The following THEMIS variants were observed in gnomAD, a reference collection of about 807,000 sequenced individuals.
THEMIS encodes the protein protein THEMIS.
Under a neutral mutation model 52.6 loss-of-function variants are expected in THEMIS, and 37 were observed. The ratio of observed to expected loss-of-function variants is 0.70; its 90% CI spans 0.54 to 0.93. The LOEUF is 0.93. Ranked by LOEUF, THEMIS falls within the 40% of genes least tolerant of loss-of-function variation. The pLI, the probability that THEMIS is intolerant of heterozygous loss-of-function variation, is 0.00. For synonymous variants in THEMIS, 292 were observed against 272.7 expected (o/e 1.07, Z -0.70); for missense variants, 808 against 763.1 (o/e 1.06, Z -0.69).
intron 1 of THEMIS, among the ~76,000 whole-genome samples, chr6:127,871,358 A>G (rs1290953432): frequency 6.6e-6 from 1 of 152,088 alleles, no homozygotes; most frequent in Non-Finnish European, 1.5e-5. Flanking sequence ...AATACAACAT[A>G]TCAAAGTTGT....
intron 4 of THEMIS, among the ~76,000 whole-genome samples, chr6:127,799,567 CTTTCTTTCTTTCTTTCTTTT>C (rs1777457102): frequency 6.7e-6 from 1 of 150,264 alleles, no homozygotes. Context: ...TTCTTTCTTT[CTTTCTTTCTTTCTTTCTTTT>C]TTTCTTTCTT....
chr6:127,764,627 T>C (rs1472865632), intron 4 of THEMIS, among the ~76,000 whole-genome samples: 3 of 152,030 alleles, frequency 2.0e-5, no homozygotes, highest in Admixed American at 1.3e-4. Flanking sequence ...AGGTGTTGCA[T>C]GCTGGTATTA....
chr6:127,812,149 G>C (rs959708212), intron 4 of THEMIS, among the ~76,000 whole-genome samples: 1 of 152,154 alleles, frequency 6.6e-6, no homozygotes, highest in African/African-American at 2.4e-5. Context: ...TACACATCAT[G>C]GTGTAAGGGC....
At chr6:127,760,662 G>A (rs1394065707) in intron 4 of THEMIS, among the ~76,000 whole-genome samples, 1 of 152,000 alleles carries the variant, frequency 6.6e-6, no homozygotes, top group Admixed American at 6.6e-5. Context: ...TGCATCTCTA[G>A]GTACTAGAGT....
intron 2 of THEMIS, among the ~76,000 whole-genome samples, chr6:127,837,604 G>C (rs929273575): frequency 1.3e-5 from 2 of 151,664 alleles, no homozygotes; most frequent in African/African-American, 4.8e-5. Context: ...TGTGTGTGTA[G>C]TATGTGTATA....
intron 4 of THEMIS, among the ~76,000 whole-genome samples, chr6:127,757,705 G>A (rs1478265934): frequency 1.3e-5 from 2 of 151,958 alleles, no homozygotes; most frequent in Non-Finnish European, 2.9e-5. Context: ...GGATGGTCTC[G>A]ATCTCCTGAC....
intron 4 of THEMIS, among the ~76,000 whole-genome samples, chr6:127,796,092 T>C (rs546707743): frequency 3.2e-4 from 49 of 152,358 alleles, no homozygotes; most frequent in African/African-American, 1.2e-3. Flanking sequence ...ATAGTGGATC[T>C]GATTTCAAGG....
intron 1 of THEMIS, among the ~76,000 whole-genome samples, chr6:127,885,452 T>C (rs944412928): frequency 1.3e-5 from 2 of 152,104 alleles, no homozygotes; most frequent in Non-Finnish European, 2.9e-5. Context: ...CCTTTCACAT[T>C]GTATTATAAA....
intron 4 of THEMIS, among the ~76,000 whole-genome samples, chr6:127,744,838 C>A (rs1243033049): frequency 6.6e-6 from 1 of 151,654 alleles, no homozygotes; most frequent in African/African-American, 2.4e-5. Flanking sequence ...TACTTACACA[C>A]ACATACACAC....
intron 2 of THEMIS, among the ~76,000 whole-genome samples, chr6:127,851,143 C>A (rs270027): frequency 6.6e-6 from 1 of 151,236 alleles, no homozygotes; most frequent in Admixed American, 6.6e-5. Context: ...AAGTCTCAAA[C>A]ACCTATGGGT....
intron 4 of THEMIS, 85 bp downstream of exon 4, chr6:127,812,798 A>G (rs773102048): frequency 1.5e-6 from 2 of 1,369,848 alleles, no homozygotes; most frequent in Middle Eastern, 2.1e-4. Flanking sequence ...AAAGAAAAGT[A>G]AGCAAAACAC....
rs62425516 is a variant in THEMIS, at chr6:127,767,726, A to G, written c.1758+45157T>C. 5.4e-3 allele frequency among the ~76,000 whole-genome samples: 818 copies of G among 152,286 alleles called. 6 individuals are homozygous for G. Among genetic ancestry groups the G allele is most frequent in the Admixed American group, 0.011 (168 of 15,288 alleles). The stretch of plus-strand genomic sequence containing the variant: ...AATAATGATAAAATGTATATTATAA[A>G]CCATTGATATTGTCATTTCTTATCA... On this transcript the variant is annotated intron_variant, in intron 4 of 5. Transcript: ENST00000368248.
chr6:127,732,190 T>C (rs1774836927), intron 4 of THEMIS, among the ~76,000 whole-genome samples: 1 of 152,016 alleles, frequency 6.6e-6, no homozygotes, highest in Non-Finnish European at 1.5e-5. Context: ...TCCCAGTGGC[T>C]AATATCACAT....
At chr6:127,723,984 A>T (rs1774453143) in intron 4 of THEMIS, among the ~76,000 whole-genome samples, 1 of 152,074 alleles carries the variant, frequency 6.6e-6, no homozygotes, top group African/African-American at 2.4e-5. Context: ...TTAAATAACT[A>T]CATATTAAAT....
chr6:127,820,658 T>C lies in THEMIS; in HGVS notation c.710-6727A>G, dbSNP rs146943493. ...AGAGATTGAAATCAGGGAGTCTACCTTTCTTTCTATACTAAGTGCCATGAA... is the reference window on the plus strand; with the variant it reads ...AGAGATTGAAATCAGGGAGTCTACCCTTCTTTCTATACTAAGTGCCATGAA... On this transcript the variant is annotated intron_variant, in intron 3 of 5. Coordinates refer to ENST00000368248, the MANE Select transcript of THEMIS (RefSeq NM_001010923.3). Among the ~76,000 whole-genome samples, 13 of 152,222 alleles carry C rather than the reference T, an allele frequency of 8.5e-5. No homozygotes were observed. The East Asian group carries it at 2.5e-3, about 29-fold the overall frequency.
chr6:127,901,220 C>A, upstream of THEMIS: 2 of 455,720 alleles, frequency 4.4e-6, no homozygotes, highest in Non-Finnish European at 7.9e-6. Flanking sequence ...CAGACACTGC[C>A]CAAAAAATGA....
At chr6:127,732,006 A>AT (rs60832949) in intron 4 of THEMIS, among the ~76,000 whole-genome samples, 4,743 of 142,124 alleles carry the variant, frequency 0.033, 235 homozygotes, top group African/African-American at 0.11. Context: ...TTGCCTGGCC[A>AT]TTTTTTTTTT....
chr6:127,728,760 C>A (rs1168129203), intron 4 of THEMIS, among the ~76,000 whole-genome samples: 1 of 151,738 alleles, frequency 6.6e-6, no homozygotes, highest in African/African-American at 2.4e-5. Flanking sequence ...GAACCAATAA[C>A]AAATACATCA....
At chr6:127,745,292 A>G (rs1358844892) in intron 4 of THEMIS, among the ~76,000 whole-genome samples, 8 of 152,012 alleles carry the variant, frequency 5.3e-5, no homozygotes, top group Admixed American at 4.6e-4. Context: ...TCTTAAATCT[A>G]AAATGCTTTA....
Sources: allele counts gnomAD v4.1 joint callset (sites outside exome capture counted in the v4.1 genomes callset), GRCh38; gene constraint gnomAD v4.1.1; transcripts MANE v1.5; gene names NCBI Gene and HGNC (gene_info 2026-07-23, HGNC 2026-07-21).